HIVEP3: variants seen among roughly 807,000 people sequenced by gnomAD.
HIVEP3 encodes HIVEP zinc finger 3, also known as transcription factor HIVEP3.
A neutral mutation model predicts 152.8 loss-of-function variants in HIVEP3; 49 were observed. The ratio of observed to expected loss-of-function variants is 0.32; its 90% CI spans 0.26 to 0.41. The LOEUF is 0.41. HIVEP3 is among the 10% of genes least tolerant of loss of function. The probability of loss-of-function intolerance (pLI) is 1.00; values close to 1 mark genes in which losing one functional copy is unlikely to be tolerated. For synonymous variants in HIVEP3, 1,269 were observed against 1,289.0 expected (o/e 0.98, Z 0.33); for missense variants, 2,790 against 3,103.3 (o/e 0.90, Z 2.40).
chr1:41,985,163 G>A (rs909198565), intron 1 of HIVEP3, among the ~76,000 whole-genome samples: 22 of 152,262 alleles, frequency 1.4e-4, no homozygotes, highest in African/African-American at 4.8e-4. Flanking sequence ...TTACGGGCAC[G>A]TGAACTATGC....
At chr1:41,812,462 CA>C (rs1357412409) in intron 1 of HIVEP3, among the ~76,000 whole-genome samples, 1 of 151,822 alleles carries the variant, frequency 6.6e-6, no homozygotes, top group Non-Finnish European at 1.5e-5. Flanking sequence ...ACAACAAAAA[CA>C]AAAAAATAAA....
intron 1 of HIVEP3, among the ~76,000 whole-genome samples, chr1:41,828,103 G>A (rs1642855399): frequency 6.6e-6 from 1 of 152,192 alleles, no homozygotes; most frequent in Non-Finnish European, 1.5e-5. Context: ...AGGAGTTCCT[G>A]GGATGATGCC....
At chr1:41,679,290 C>A (rs963727464) in intron 2 of HIVEP3, among the ~76,000 whole-genome samples, 6 of 152,200 alleles carry the variant, frequency 3.9e-5, no homozygotes, top group African/African-American at 9.7e-5. Context: ...GAAGCTGAAA[C>A]TCCCAGAGGC....
intron 2 of HIVEP3, among the ~76,000 whole-genome samples, chr1:41,680,552 A>G (rs1211322348): frequency 6.6e-6 from 1 of 152,184 alleles, no homozygotes; most frequent in African/African-American, 2.4e-5. Flanking sequence ...TCAGGGCAGG[A>G]ACATTGTCTT....
intron 1 of HIVEP3, among the ~76,000 whole-genome samples, chr1:42,033,900 A>C (rs1462795700): frequency 6.6e-6 from 1 of 152,196 alleles, no homozygotes; most frequent in Non-Finnish European, 1.5e-5. Context: ...TAACTATGTG[A>C]CCTGAGTCAA....
At chr1:41,700,709 A>G (rs1034217627) in intron 2 of HIVEP3, among the ~76,000 whole-genome samples, 5 of 152,220 alleles carry the variant, frequency 3.3e-5, no homozygotes, top group Non-Finnish European at 5.9e-5. Flanking sequence ...TCCCATCACC[A>G]TATGCTGCCA....
intron 1 of HIVEP3, among the ~76,000 whole-genome samples, chr1:41,976,630 T>G (rs919066723): frequency 6.6e-6 from 1 of 152,238 alleles, no homozygotes; most frequent in Non-Finnish European, 1.5e-5. Context: ...AGACTAAATC[T>G]AAAGTTATTT....
At chr1:41,685,444 G>A (rs1430989841) in intron 2 of HIVEP3, among the ~76,000 whole-genome samples, 2 of 152,218 alleles carry the variant, frequency 1.3e-5, no homozygotes, top group Non-Finnish European at 2.9e-5. Flanking sequence ...CCACTGCACT[G>A]TAAGTTCCTC....
At chr1:41,927,920 G>A (rs1644976066) in intron 1 of HIVEP3, among the ~76,000 whole-genome samples, 1 of 151,960 alleles carries the variant, frequency 6.6e-6, no homozygotes, top group South Asian at 2.1e-4. Context: ...AATTAGCCAG[G>A]CGTGGTGACG....
In HIVEP3 at chr1:41,609,206, G is replaced by A. The variant is rs903016615; in HGVS notation, c.-522+19543C>T. ...ATGTCCCTTCCAGGATGTGGACACC[G>A]GAAAGGAAGATGAACCCTTCCCATG... On this transcript the variant is annotated intron_variant, in intron 3 of 8. Coordinates refer to ENST00000372583, the MANE Select transcript of HIVEP3 (RefSeq NM_024503.5). Among the ~76,000 whole-genome samples, 9 of 152,220 alleles carry A rather than the reference G, an allele frequency of 5.9e-5. No individual in the cohort carries two copies. The South Asian group carries it at 1.0e-3, about 18-fold the overall frequency.
intron 1 of HIVEP3, among the ~76,000 whole-genome samples, chr1:42,030,065 T>C (rs983283543): frequency 6.6e-6 from 1 of 152,138 alleles, no homozygotes; most frequent in Non-Finnish European, 1.5e-5. Flanking sequence ...CCCTGCCCTG[T>C]GCTTTCTGGG....
chr1:41,906,047 C>T (rs191923087), intron 1 of HIVEP3, among the ~76,000 whole-genome samples: 198 of 152,268 alleles, frequency 1.3e-3, no homozygotes, highest in African/African-American at 3.2e-3. Flanking sequence ...CGGTGGCTCA[C>T]GCCTGTAATC....
At chr1:41,646,058 T>C (rs1031813863) in intron 2 of HIVEP3, among the ~76,000 whole-genome samples, 9 of 152,290 alleles carry the variant, frequency 5.9e-5, no homozygotes, top group Admixed American at 3.3e-4. Context: ...CCTGGGCTTA[T>C]GGGAGATGCT....
At chr1:41,989,201 GAGT>G (rs1467978985) in intron 1 of HIVEP3, among the ~76,000 whole-genome samples, 1 of 152,160 alleles carries the variant, frequency 6.6e-6, no homozygotes, top group Admixed American at 6.5e-5. Context: ...ATTGCTAAGA[GAGT>G]AGATGTTAAA....
At chr1:41,752,934 G>T (rs952344059) in intron 1 of HIVEP3, among the ~76,000 whole-genome samples, 1 of 152,234 alleles carries the variant, frequency 6.6e-6, no homozygotes. Context: ...TCTGAGTCTG[G>T]CTACTAGCCT....
Position 41,510,490 on chromosome 1 carries a change from A to G in HIVEP3, c.7182T>C (p.His2394=), listed in dbSNP as rs1260151031. The stretch of plus-strand genomic sequence containing the variant: ...GAACCCTGTCCTCAGGCTGATGTGG[A>G]TGTGCCCTGGGCTCCCCACTTCCTG... ...KPSGSGEPRA[H]PHQPEDRVPP... is the part of the protein sequence containing the mutation. Residue 2394 remains histidine (H), a synonymous_variant, in exon 9 of 9, where the codon CAT becomes CAC. Transcript: ENST00000372583. 2 of 1,578,906 alleles carry G rather than the reference A, an allele frequency of 1.3e-6. No individual in the cohort carries two copies. Among genetic ancestry groups the G allele is most frequent in the Non-Finnish European group, 1.7e-6 (2 of 1,161,374 alleles).
At chr1:41,801,897 AG>A in intron 1 of HIVEP3, among the ~76,000 whole-genome samples, 1 of 152,180 alleles carries the variant, frequency 6.6e-6, no homozygotes, top group East Asian at 1.9e-4. Flanking sequence ...AAAGACAATG[AG>A]GGAATTGCAG....
rs566543540 is a variant in HIVEP3 at position 41,634,578 on chromosome 1, G to GA, written c.-720-5632dup. Among the ~76,000 whole-genome samples, 335 of 149,876 alleles carry GA rather than the reference G, an allele frequency of 2.2e-3. 1 individual carries two copies. Among genetic ancestry groups the GA allele is most frequent in the South Asian group, 4.4e-3 (21 of 4,720 alleles). On this transcript the variant is annotated intron_variant, in intron 2 of 8. Transcript: ENST00000372583. ...GTTAAGAGACCAGGCTGGATAAAAGGAAAAAAAAATCCAGCTATATGCTGT... is the reference window on the plus strand; with the variant it reads ...GTTAAGAGACCAGGCTGGATAAAAGGAAAAAAAAAATCCAGCTATATGCTGT...
intron 3 of HIVEP3, among the ~76,000 whole-genome samples, chr1:41,625,430 T>C (rs1645103838): frequency 6.6e-6 from 1 of 152,184 alleles, no homozygotes; most frequent in South Asian, 2.1e-4. Context: ...CTTTACCGAA[T>C]CAGGCAGCAG....
Sources: gnomAD v4.1 joint callset for allele counts (sites outside exome capture counted in the v4.1 genomes callset) on GRCh38, gnomAD v4.1.1 for gene constraint, MANE v1.5 for transcripts, NCBI Gene and HGNC (gene_info 2026-07-23, HGNC 2026-07-21) for gene names.